The following BMERB1 variants were observed in gnomAD, a reference collection of about 807,000 sequenced individuals.
BMERB1 encodes bMERB domain containing 1, also known as bMERB domain-containing protein 1.
BMERB1 carries 12 observed loss-of-function variants against 23.6 expected under a neutral mutation model. The ratio of observed to expected loss-of-function variants is 0.51; its 90% CI spans 0.33 to 0.82. The LOEUF is 0.82. Ranked by LOEUF, BMERB1 falls within the 40% of genes least tolerant of loss-of-function variation. BMERB1 has a pLI of 0.03. For missense variants in BMERB1, 247 were observed against 255.4 expected, an observed-to-expected ratio of 0.97 and a Z score of 0.22; for synonymous variants, 122 against 96.6, an observed-to-expected ratio of 1.26 and a Z score of -1.54.
At chr16:15,512,837 C>T (rs186324434) in intron 1 of BMERB1, among the ~76,000 whole-genome samples, 18 of 151,676 alleles carry the variant, frequency 1.2e-4, no homozygotes, top group Admixed American at 1.1e-3. Flanking sequence ...CGATATTGTG[C>T]CACTGCACTC....
chr16:15,487,961 A>C (rs117468268), intron 1 of BMERB1, among the ~76,000 whole-genome samples: 1 of 152,016 alleles, frequency 6.6e-6, no homozygotes, highest in African/African-American at 2.4e-5. Flanking sequence ...CTTTACCGCA[A>C]CCTGTTTTAT....
At chr16:15,579,414 G>T (rs941600245) in intron 3 of BMERB1, among the ~76,000 whole-genome samples, 12 of 152,166 alleles carry the variant, frequency 7.9e-5, no homozygotes, top group African/African-American at 2.9e-4. Context: ...CAAGCCTATT[G>T]CCCTTCTTCG....
rs1036922742 is a variant in BMERB1 at position 15,501,735 on chromosome 16, A to G, written c.107-13570A>G. On this transcript the variant is annotated intron_variant, in intron 1 of 5. Transcript: ENST00000300006. The stretch of plus-strand genomic sequence containing the variant: ...GTGATCCACCGCCTCGGACTCCCAA[A>G]ATGCTAGGATTACAGGCGTGAGTGA... Among the ~76,000 whole-genome samples, 20 of 151,800 alleles carry G rather than the reference A, an allele frequency of 1.3e-4. 1 individual carries two copies. Among genetic ancestry groups the G allele is most frequent in the Non-Finnish European group, 2.2e-4 (15 of 67,970 alleles).
intron 1 of BMERB1, among the ~76,000 whole-genome samples, chr16:15,464,800 T>G (rs965246701): frequency 1.3e-5 from 2 of 152,084 alleles, no homozygotes; most frequent in Admixed American, 6.6e-5. Flanking sequence ...ATTGGGCAGG[T>G]TTTGGCCAGC....
intron 2 of BMERB1, among the ~76,000 whole-genome samples, chr16:15,559,691 C>T (rs116758251): frequency 0.01 from 1,559 of 152,280 alleles, 30 homozygotes; most frequent in African/African-American, 0.036. Context: ...TTTTTAGTTA[C>T]GTGAATGGAC....
intron 2 of BMERB1, among the ~76,000 whole-genome samples, chr16:15,539,741 G>C (rs929864586): frequency 5.3e-5 from 8 of 151,852 alleles, no homozygotes; most frequent in African/African-American, 1.5e-4. Flanking sequence ...TACTTGGAAG[G>C]CTGAGGCAGG....
chr16:15,451,132 A>G (rs953187134), intron 1 of BMERB1, among the ~76,000 whole-genome samples: 11 of 152,172 alleles, frequency 7.2e-5, no homozygotes, highest in Non-Finnish European at 1.0e-4. Flanking sequence ...AGCTGCATCT[A>G]TGCTGCTAAA....
intron 2 of BMERB1, among the ~76,000 whole-genome samples, chr16:15,551,415 T>C (rs909473218): frequency 6.6e-6 from 1 of 152,140 alleles, no homozygotes; most frequent in Non-Finnish European, 1.5e-5. Flanking sequence ...CCTAGATGGT[T>C]CTGGAATGCC....
intron 1 of BMERB1, among the ~76,000 whole-genome samples, chr16:15,508,553 A>T (rs2051620218): frequency 6.6e-6 from 1 of 152,054 alleles, no homozygotes; most frequent in South Asian, 2.1e-4. Context: ...AAATGAGATG[A>T]GATTCATTCC....
At position 15,515,389 on chromosome 16, in the gene BMERB1, G is replaced by A. The variant is rs770031905; in HGVS notation, c.191G>A (p.Arg64Gln). Residue 64 changes from arginine (R) to glutamine (Q), a missense_variant, in exon 2 of 6, where the codon CGG becomes CAG. Physicochemically the swap from Arg to Gln is conservative, Grantham distance 43. Coordinates refer to ENST00000300006, the MANE Select transcript of BMERB1 (RefSeq NM_033201.3). The stretch of plus-strand genomic sequence containing the variant: ...GAGATGGCAAAAATTCAGCGTCTCC[G>A]GGAAGTCTTGGTCCGCCGGGAGTCT... The part of the protein sequence containing the change: ...ELEMAKIQRL[R>Q]EVLVRRESEL... The A allele has an allele frequency of 6.9e-5, 111 of 1,613,844 alleles. No individual in the cohort carries two copies. The highest frequency in any genetic ancestry group is 8.6e-5 in the Non-Finnish European group (101 of 1,180,010).
chr16:15,534,740 C>A (rs1473445295), intron 2 of BMERB1, among the ~76,000 whole-genome samples: 1 of 152,098 alleles, frequency 6.6e-6, no homozygotes, highest in Non-Finnish European at 1.5e-5. Flanking sequence ...TTCATCACCT[C>A]TTTTTCTCTT....
chr16:15,577,201 A>G (rs977667276), intron 3 of BMERB1: 2 of 152,122 alleles, frequency 1.3e-5, no homozygotes, highest in African/African-American at 4.8e-5. Flanking sequence ...GCCTTTTCCT[A>G]TGGGCACAGC....
At chr16:15,577,435 T>A (rs1250783817) in intron 3 of BMERB1, among the ~76,000 whole-genome samples, 1 of 152,214 alleles carries the variant, frequency 6.6e-6, no homozygotes, top group Non-Finnish European at 1.5e-5. Flanking sequence ...ACTTGATACT[T>A]GCCTCCTCAG....
chr16:15,493,051 G>A (rs1331004221), intron 1 of BMERB1, among the ~76,000 whole-genome samples: 2 of 151,990 alleles, frequency 1.3e-5, no homozygotes, highest in Non-Finnish European at 2.9e-5. Flanking sequence ...AAATACCTGT[G>A]CAGTACCCCT....
intron 2 of BMERB1, among the ~76,000 whole-genome samples, chr16:15,517,274 G>A (rs989788865): frequency 2.6e-5 from 4 of 152,090 alleles, no homozygotes; most frequent in African/African-American, 7.2e-5. Flanking sequence ...TTTGAGAGGC[G>A]GAGGTAGGTA....
chr16:15,485,213 C>T (rs757380262), intron 1 of BMERB1, among the ~76,000 whole-genome samples: 1 of 152,118 alleles, frequency 6.6e-6, no homozygotes, highest in Non-Finnish European at 1.5e-5. Context: ...TTCTGATTGG[C>T]CAGGTTCTGG....
chr16:15,515,296 C>T lies in BMERB1; in HGVS notation c.107-9C>T. On this transcript the variant is annotated splice_polypyrimidine_tract_variant and intron_variant, in intron 1 of 5. Coordinates refer to ENST00000300006, the MANE Select transcript of BMERB1 (RefSeq NM_033201.3). ...GTCCTGATGGTTGTATTTCCTGTCT[C>T]CTGCACAGATCAGCTGGACATCATC... 2 of 1,613,122 alleles carry T rather than the reference C, an allele frequency of 1.2e-6. No individual in the cohort carries two copies. Among genetic ancestry groups the T allele is most frequent in the Non-Finnish European group, 1.7e-6 (2 of 1,179,922 alleles).
intron 1 of BMERB1, among the ~76,000 whole-genome samples, chr16:15,444,564 A>C (rs1229339003): frequency 6.6e-6 from 1 of 152,150 alleles, no homozygotes; most frequent in Non-Finnish European, 1.5e-5. Flanking sequence ...TGACAAATAC[A>C]TGTCACTAAA....
At chr16:15,535,833 G>C (rs1360948667) in intron 2 of BMERB1, among the ~76,000 whole-genome samples, 2 of 152,082 alleles carry the variant, frequency 1.3e-5, no homozygotes, top group Non-Finnish European at 2.9e-5. Context: ...GGAGGCCTCA[G>C]GAAACTTACA....
Sources: gnomAD v4.1 joint callset for allele counts (sites outside exome capture counted in the v4.1 genomes callset) on GRCh38, gnomAD v4.1.1 for gene constraint, MANE v1.5 for transcripts, NCBI Gene and HGNC (gene_info 2026-07-23, HGNC 2026-07-21) for gene names.